FAM110B: variants seen among roughly 807,000 people sequenced by gnomAD.
FAM110B encodes the protein family with sequence similarity 110 member B.
In FAM110B, 6 loss-of-function variants were observed where a neutral mutation model predicts 20.4. That is an observed-to-expected ratio of 0.29 (90% confidence interval 0.16 to 0.58). The LOEUF is 0.58. Among genes scored for constraint, FAM110B ranks in the 20% least tolerant of loss-of-function variants. The pLI is 0.90. For synonymous variants in FAM110B, 226 were observed against 214.1 expected (o/e 1.06, Z -0.49); for missense variants, 434 against 498.2 (o/e 0.87, Z 1.23).
chr8:58,089,990 G>A (rs377244978), intron 3 of FAM110B, among the ~76,000 whole-genome samples: 1 of 152,044 alleles, frequency 6.6e-6, no homozygotes, highest in East Asian at 1.9e-4. Flanking sequence ...AACTGCTCAG[G>A]TCCACTTATA....
chr8:58,061,448 A>G (rs992507418), intron 2 of FAM110B, among the ~76,000 whole-genome samples: 2 of 152,192 alleles, frequency 1.3e-5, no homozygotes, highest in Non-Finnish European at 2.9e-5. Context: ...ATCCCCTATA[A>G]GAGGAATTTA....
At chr8:58,089,553 G>A (rs946115417) in intron 3 of FAM110B, among the ~76,000 whole-genome samples, 1 of 152,102 alleles carries the variant, frequency 6.6e-6, no homozygotes, top group Non-Finnish European at 1.5e-5. Context: ...ATTTGATTTG[G>A]TGTGATAAAT....
intron 3 of FAM110B, among the ~76,000 whole-genome samples, chr8:58,134,561 T>G (rs917072530): frequency 3.3e-5 from 5 of 152,260 alleles, no homozygotes; most frequent in African/African-American, 1.2e-4. Context: ...AACATTTTAG[T>G]TCAACTCTGG....
At position 58,059,072 on chromosome 8, in the gene FAM110B, A is replaced by C. The variant is rs538449594; in HGVS notation, c.-413-16463A>C. Among the ~76,000 whole-genome samples the C allele has an allele frequency of 2.0e-5, 3 of 152,232 alleles. No individual in the cohort carries two copies. In the East Asian group the frequency reaches 5.8e-4, roughly 29 times the overall value. On this transcript the variant is annotated intron_variant, in intron 2 of 3. Transcript: ENST00000519262. ...AGTGCTCTTTGCATTGGTTCCTGTC[A>C]CTTAGTAGGATGTCTTTGAGATTCA...
chr8:58,089,129 G>C (rs1037670543), intron 3 of FAM110B, among the ~76,000 whole-genome samples: 1 of 152,162 alleles, frequency 6.6e-6, no homozygotes, highest in African/African-American at 2.4e-5. Context: ...CCTATCGGAG[G>C]CACATTTTTG....
chr8:58,143,313 G>C (rs1005594085), intron 3 of FAM110B, among the ~76,000 whole-genome samples: 1 of 151,784 alleles, frequency 6.6e-6, no homozygotes, highest in African/African-American at 2.4e-5. Flanking sequence ...AGATGAAGTT[G>C]TTTTTTTTCC....
intron 3 of FAM110B, among the ~76,000 whole-genome samples, chr8:58,121,212 G>A (rs1807353239): frequency 6.6e-6 from 1 of 152,156 alleles, no homozygotes; most frequent in Non-Finnish European, 1.5e-5. Context: ...GAAGCCAGAG[G>A]CCCATTGATC....
intron 1 of FAM110B, among the ~76,000 whole-genome samples, chr8:58,027,977 G>A (rs1804885342): frequency 6.6e-6 from 1 of 152,226 alleles, no homozygotes; most frequent in Admixed American, 6.5e-5. Context: ...TAGTAGCATT[G>A]CTGGGTCATA....
At chr8:58,008,197 A>G (rs1445223586) in intron 1 of FAM110B, among the ~76,000 whole-genome samples, 3 of 144,070 alleles carry the variant, frequency 2.1e-5, no homozygotes, top group African/African-American at 7.8e-5. Flanking sequence ...GCGTGATCTC[A>G]GCTCGGCTTA....
intron 3 of FAM110B, among the ~76,000 whole-genome samples, chr8:58,112,035 G>C (rs997684908): frequency 6.6e-6 from 1 of 152,132 alleles, no homozygotes; most frequent in South Asian, 2.1e-4. Context: ...TTTAAAATTA[G>C]TACTTTTGGC....
chr8:58,078,297 TCAAA>T (rs1367257800), intron 3 of FAM110B, among the ~76,000 whole-genome samples: 1 of 152,194 alleles, frequency 6.6e-6, no homozygotes, highest in Middle Eastern at 3.2e-3. Context: ...GTTCTTTTGG[TCAAA>T]CCTTTTGGAG....
intron 2 of FAM110B, among the ~76,000 whole-genome samples, chr8:58,075,271 T>TGTGTGTGTGTGTG (rs1554521060): frequency 1.1e-4 from 15 of 134,726 alleles, no homozygotes; most frequent in African/African-American, 5.2e-4. Flanking sequence ...GCTTTTTTTT[T>TGTGTGTGTGTGTG]TTTTTGTGTG....
At chr8:58,103,948 TCATTC>T (rs1222197817) in intron 3 of FAM110B, among the ~76,000 whole-genome samples, 1 of 152,250 alleles carries the variant, frequency 6.6e-6, no homozygotes, top group Non-Finnish European at 1.5e-5. Context: ...TGTCATTCTT[TCATTC>T]ACTTCTCATT....
intron 3 of FAM110B, among the ~76,000 whole-genome samples, chr8:58,112,364 C>T (rs928026585): frequency 4.6e-5 from 7 of 152,298 alleles, no homozygotes; most frequent in Middle Eastern, 3.4e-3. Flanking sequence ...AGTATCTTCA[C>T]ATCAACAGCT....
intron 1 of FAM110B, among the ~76,000 whole-genome samples, chr8:58,017,169 A>G (rs994611115): frequency 2.0e-5 from 3 of 152,190 alleles, no homozygotes; most frequent in African/African-American, 7.2e-5. Context: ...CCCATCATGC[A>G]TGTTTTCTTA....
chr8:58,019,295 A>AC (rs1290540981), intron 1 of FAM110B, among the ~76,000 whole-genome samples: 1 of 142,036 alleles, frequency 7.0e-6, no homozygotes, highest in Non-Finnish European at 1.5e-5. Context: ...CCAAGATCAC[A>AC]CCACTGCACT....
chr8:58,004,003 T>C (rs764906543), intron 1 of FAM110B, among the ~76,000 whole-genome samples: 2 of 152,172 alleles, frequency 1.3e-5, no homozygotes, highest in African/African-American at 4.8e-5. Context: ...CAGGGACCAG[T>C]TTTGTGGAAG....
intron 1 of FAM110B, among the ~76,000 whole-genome samples, chr8:58,005,244 G>A (rs1484831030): frequency 6.6e-6 from 1 of 152,176 alleles, no homozygotes; most frequent in Non-Finnish European, 1.5e-5. Flanking sequence ...GGAAGAGATT[G>A]GGGCAGGGGC....
chr8:58,102,305 T>A (rs769745547), intron 3 of FAM110B, among the ~76,000 whole-genome samples: 19 of 152,204 alleles, frequency 1.2e-4, no homozygotes, highest in Non-Finnish European at 2.8e-4. Flanking sequence ...CCTTAATTTA[T>A]TTCTGTTTGA....
Sources: gnomAD v4.1 joint callset for allele counts (sites outside exome capture counted in the v4.1 genomes callset) on GRCh38, gnomAD v4.1.1 for gene constraint, MANE v1.5 for transcripts, NCBI Gene and HGNC (gene_info 2026-07-23, HGNC 2026-07-21) for gene names.